Variants in STK32C observed in about 807,000 individuals in gnomAD.
The protein encoded by STK32C is serine/threonine kinase 32C.
STK32C carries 31 observed loss-of-function variants against 56.5 expected under a neutral mutation model. The ratio of observed to expected loss-of-function variants is 0.55; its 90% confidence interval spans 0.41 to 0.74. The LOEUF (loss-of-function observed/expected upper bound fraction) is 0.74. Ranked by LOEUF, STK32C falls within the 30% of genes least tolerant of loss-of-function variation. The pLI, the probability that STK32C is intolerant of heterozygous loss-of-function variation, is 0.00. For missense variants in STK32C, 544 were observed against 676.9 expected (o/e 0.80, Z 2.18); for synonymous variants, 309 against 289.4 (o/e 1.07, Z -0.69).
At chr10:132,315,906 AAGAG>A (rs970284016) in intron 1 of STK32C, among the ~76,000 whole-genome samples, 1 of 152,254 alleles carries the variant, frequency 6.6e-6, no homozygotes. Context: ...TCAATTATAA[AAGAG>A]AGTCCAACAT....
chr10:132,331,795 T>G, exon 1 of STK32C: 1 of 1,600,058 alleles, frequency 6.2e-7, no homozygotes. Context: ...CCTCGCGGTC[T>G]CTACTTGCCC....
At chr10:132,232,775 C>T (rs1004620049) in intron 2 of STK32C, among the ~76,000 whole-genome samples, 57 of 136,744 alleles carry the variant, frequency 4.2e-4, no homozygotes, top group African/African-American at 1.7e-3. Context: ...ACGCCACTGA[C>T]GGGGAGGCCA....
chr10:132,266,903 G>C (rs1418426479), intron 1 of STK32C, among the ~76,000 whole-genome samples: 1 of 152,108 alleles, frequency 6.6e-6, no homozygotes, highest in Admixed American at 6.5e-5. Flanking sequence ...TTGAGGCATG[G>C]AGTGACAATG....
intron 1 of STK32C, among the ~76,000 whole-genome samples, chr10:132,256,461 G>C (rs2064125981): frequency 6.6e-6 from 1 of 152,194 alleles, no homozygotes; most frequent in South Asian, 2.1e-4. Flanking sequence ...GACATCCTCA[G>C]ACAACACGGG....
intron 10 of STK32C, among the ~76,000 whole-genome samples, chr10:132,213,025 A>G (rs559928354): frequency 2.6e-5 from 4 of 152,348 alleles, no homozygotes; most frequent in African/African-American, 4.8e-5. Flanking sequence ...GAGGCCCCCA[A>G]CGTTTTGTGG....
Position 132,331,496 on chromosome 10 carries a change from CGCTCTGA to C in STK32C, c.234_240del (p.Gln79SerfsTer6), listed in dbSNP as rs1564811093. ...GGCAGCCTTACTTCTCCAAAGAGGACGCTCTGAGTCTGCGTTCCCCTGGCAGCAAGTC... is the reference window on the plus strand; with the variant it reads ...GGCAGCCTTACTTCTCCAAAGAGGACGTCTGCGTTCCCCTGGCAGCAAGTC... On this transcript the variant is annotated frameshift_variant, in exon 1 of 2. Coordinates refer to the STK32C transcript ENST00000368619. LOFTEE classifies it high-confidence loss of function. 1.2e-6 allele frequency: 2 copies of C among 1,612,912 alleles called. No homozygotes were observed. The highest frequency in any genetic ancestry group is 1.7e-6 in the Non-Finnish European group (2 of 1,179,898).
chr10:132,225,525 A>G lies in STK32C; in HGVS notation c.772+2T>C. On this transcript the variant is annotated splice_donor_variant, in intron 6 of 11. Transcript: ENST00000298630. LOFTEE classifies it high-confidence loss of function. Reference sequence around the variant, plus strand: ...CCATCTGGAACCCCAGCTCGGGCTCACCCATGTACGGCTTGGTGCCTGCTA... The same window carrying G: ...CCATCTGGAACCCCAGCTCGGGCTCGCCCATGTACGGCTTGGTGCCTGCTA... 1 of 1,613,740 alleles carries G rather than the reference A, an allele frequency of 6.2e-7. No homozygotes were observed. The highest frequency in any genetic ancestry group is 8.5e-7 in the Non-Finnish European group (1 of 1,180,002).
chr10:132,221,886 T>A (rs747738032), intron 10 of STK32C, among the ~76,000 whole-genome samples: 2 of 85,418 alleles, frequency 2.3e-5, no homozygotes, highest in African/African-American at 4.0e-5. Flanking sequence ...ACACAACTAA[T>A]ATCAACGCAC....
chr10:132,283,994 G>C (rs1429650112), intron 1 of STK32C, among the ~76,000 whole-genome samples: 1 of 152,164 alleles, frequency 6.6e-6, no homozygotes, highest in African/African-American at 2.4e-5. Context: ...AACCTGTCTG[G>C]CCACGGAATG....
Position 132,225,021 on chromosome 10 carries a change from G to A in STK32C, c.876+212C>T, listed in dbSNP as rs2306980. Among the ~76,000 whole-genome samples the A allele has an allele frequency of 2.5e-3, 387 of 152,312 alleles. 3 individuals are homozygous for A. Among genetic ancestry groups the A allele is most frequent in the African/African-American group, 7.9e-3 (330 of 41,558 alleles). On this transcript the variant is annotated intron_variant, in intron 7 of 11. Coordinates refer to ENST00000298630, the MANE Select transcript of STK32C (RefSeq NM_173575.4). ...AGGCTGGCCTGCAGGCACCAGCAGC[G>A]GCCCCGGGAAACCACAGTGAGTCTG...
chr10:132,244,171 C>T (rs2063603098), intron 2 of STK32C, among the ~76,000 whole-genome samples: 1 of 152,158 alleles, frequency 6.6e-6, no homozygotes, highest in South Asian at 2.1e-4. Flanking sequence ...CACCCATCAA[C>T]AAGCGCCGCA....
At position 132,307,694 on chromosome 10, in the gene STK32C, TC is replaced by T; in HGVS notation, c.139del (p.Asp47ThrfsTer42). 6.8e-7 allele frequency: 1 copy of T among 1,475,272 alleles called. No homozygotes were observed. The highest frequency in any genetic ancestry group is 9.0e-7 in the Non-Finnish European group (1 of 1,108,268). 91.4% of individuals were successfully genotyped at this position (1,475,272 alleles called of 1,614,324 possible). The stretch of plus-strand genomic sequence containing the variant: ...CGGCTGCGAGCGGACATCGCCCGAG[TC>T]CCGGGCCCGGGGCTGGCCAGCAGCG... The part of the protein sequence containing the change: ...PPAAGQPRAR[D>X]SGDVRSQPRP... On this transcript the variant is annotated frameshift_variant, in exon 1 of 12. Transcript: ENST00000298630. LOFTEE classifies it high-confidence loss of function. The surrounding 1 kb of genome is among the most constrained non-coding windows in gnomAD (Gnocchi z 4.4).
At chr10:132,265,447 G>A (rs1299608098) in intron 1 of STK32C, among the ~76,000 whole-genome samples, 4 of 152,202 alleles carry the variant, frequency 2.6e-5, no homozygotes, top group Admixed American at 6.5e-5. Flanking sequence ...GAGCTGCAAG[G>A]GCAACACACA....
At chr10:132,225,415 G>A (rs747257506) in intron 6 of STK32C, 79 bp from the exon 7 acceptor site, 1 of 1,583,124 alleles carries the variant, frequency 6.3e-7, no homozygotes, top group East Asian at 2.3e-5. Flanking sequence ...GCACCTTGAG[G>A]CCACATCCCG....
intron 1 of STK32C, among the ~76,000 whole-genome samples, chr10:132,262,230 C>T (rs889568438): frequency 1.3e-5 from 2 of 152,116 alleles, no homozygotes; most frequent in African/African-American, 2.4e-5. Flanking sequence ...CTGGGAGAGC[C>T]GGCGAGCCAC....
intron 1 of STK32C, among the ~76,000 whole-genome samples, chr10:132,268,023 A>G (rs995771679): frequency 2.2e-5 from 3 of 134,272 alleles, no homozygotes; most frequent in Non-Finnish European, 3.1e-5. Context: ...ATGCATGTGT[A>G]TGCATGTTCG....
chr10:132,266,668 C>T (rs899183862), intron 1 of STK32C, among the ~76,000 whole-genome samples: 3 of 151,842 alleles, frequency 2.0e-5, no homozygotes, highest in African/African-American at 2.4e-5. Flanking sequence ...GGGGGAGGAA[C>T]GAGCCAGGGC....
In STK32C at chr10:132,225,027, G is replaced by A. The variant is rs533637770; in HGVS notation, c.876+206C>T. Among the ~76,000 whole-genome samples, 77 of 152,326 alleles carry A rather than the reference G, an allele frequency of 5.1e-4. 1 individual carries two copies. The highest frequency in any genetic ancestry group is 3.4e-3 in the Middle Eastern group (1 of 294). ...GCCTGCAGGCACCAGCAGCGGCCCC[G>A]GGAAACCACAGTGAGTCTGTCCTTC... On this transcript the variant is annotated intron_variant, in intron 7 of 11. Transcript: ENST00000298630.
At chr10:132,286,619 T>C (rs1490668109) in intron 1 of STK32C, among the ~76,000 whole-genome samples, 1 of 152,092 alleles carries the variant, frequency 6.6e-6, no homozygotes, top group Admixed American at 6.5e-5. Context: ...ATGTAACTTA[T>C]TACACAAACA....
Sources: allele counts gnomAD v4.1 joint callset (sites outside exome capture counted in the v4.1 genomes callset), GRCh38; gene constraint gnomAD v4.1.1; non-coding constraint Gnocchi (gnomAD v3.1); transcripts MANE v1.5; gene names NCBI Gene and HGNC (gene_info 2026-07-23, HGNC 2026-07-21).